Variants in HSD17B12 observed in about 807,000 individuals in gnomAD.
HSD17B12 encodes hydroxysteroid 17-beta dehydrogenase 12.
Under a neutral mutation model 39.3 loss-of-function variants are expected in HSD17B12, and 32 were observed. That is an observed-to-expected ratio of 0.81 (90% CI 0.61 to 1.09). The LOEUF (loss-of-function observed/expected upper bound fraction) is 1.09. HSD17B12 is among the 50% of genes least tolerant of loss of function. HSD17B12 has a pLI of 0.00. For missense variants in HSD17B12, 342 were observed against 382.9 expected (o/e 0.89, Z 0.89); for synonymous variants, 150 against 146.7 (o/e 1.02, Z -0.16).
chr11:43,669,433 G>A, the HSD17B12 span, among the ~76,000 whole-genome samples: 2 of 151,934 alleles, frequency 1.3e-5, no homozygotes, highest in African/African-American at 2.4e-5. Flanking sequence ...CCTGGGAGGC[G>A]GAGGTTGCAG....
chr11:43,629,529 T>G, the HSD17B12 span, among the ~76,000 whole-genome samples: 1 of 152,218 alleles, frequency 6.6e-6, no homozygotes, highest in African/African-American at 2.4e-5. Context: ...TCTGGAATTG[T>G]CCAATGGCAG....
At chr11:43,753,421 G>C (rs1018323378) in intron 2 of HSD17B12, among the ~76,000 whole-genome samples, 3 of 115,204 alleles carry the variant, frequency 2.6e-5, no homozygotes, top group African/African-American at 1.0e-4. Context: ...GTCTTGCTCT[G>C]TTGCCCAGGC....
At chr11:43,612,676 G>A in the HSD17B12 span, among the ~76,000 whole-genome samples, 6 of 152,214 alleles carry the variant, frequency 3.9e-5, no homozygotes, top group African/African-American at 1.4e-4. Context: ...AAAGTGCTGA[G>A]ATTACAGGCG....
At chr11:43,821,543 C>G (rs1444246686) in intron 6 of HSD17B12, among the ~76,000 whole-genome samples, 2 of 152,174 alleles carry the variant, frequency 1.3e-5, no homozygotes, top group Non-Finnish European at 2.9e-5. Context: ...AATTGAACCT[C>G]AAGACATTGA....
intron 1 of HSD17B12, among the ~76,000 whole-genome samples, chr11:43,696,740 T>C (rs1181350740): frequency 6.6e-6 from 1 of 152,104 alleles, no homozygotes; most frequent in African/African-American, 2.4e-5. Flanking sequence ...CTATTTACAA[T>C]AGCGAAGACA....
intron 1 of HSD17B12, among the ~76,000 whole-genome samples, chr11:43,742,139 ATT>A (rs34321708): frequency 1.6e-5 from 2 of 123,490 alleles, no homozygotes; most frequent in South Asian, 2.7e-4. Flanking sequence ...ATATATATAT[ATT>A]TTTTTTTTTA....
chr11:43,810,660 G>A (rs572350853), intron 4 of HSD17B12, among the ~76,000 whole-genome samples: 61 of 151,990 alleles, frequency 4.0e-4, no homozygotes, highest in African/African-American at 1.4e-3. Flanking sequence ...TTTATTGAGC[G>A]CTTCCCAGTC....
At chr11:43,817,348 T>C (rs1183258275) in intron 6 of HSD17B12, among the ~76,000 whole-genome samples, 1 of 152,202 alleles carries the variant, frequency 6.6e-6, no homozygotes, top group Non-Finnish European at 1.5e-5. Flanking sequence ...TTTAGTTTAA[T>C]GAATGAGTCC....
intron 6 of HSD17B12, among the ~76,000 whole-genome samples, chr11:43,824,769 G>A (rs1156977613): frequency 6.6e-6 from 1 of 152,200 alleles, no homozygotes; most frequent in Non-Finnish European, 1.5e-5. Context: ...GCTGAGATGG[G>A]TGGATCACTT....
At chr11:43,622,015 C>T in the HSD17B12 span, among the ~76,000 whole-genome samples, 1 of 152,208 alleles carries the variant, frequency 6.6e-6, no homozygotes, top group Non-Finnish European at 1.5e-5. Flanking sequence ...TGTTACTAAA[C>T]TGCCTCCTGT....
chr11:43,789,077 C>T (rs1386671048), intron 3 of HSD17B12, among the ~76,000 whole-genome samples: 1 of 152,190 alleles, frequency 6.6e-6, no homozygotes, highest in East Asian at 1.9e-4. Context: ...GTTTTCTGCA[C>T]TTTCTGGTTT....
chr11:43,622,324 T>C, the HSD17B12 span, among the ~76,000 whole-genome samples: 1 of 152,100 alleles, frequency 6.6e-6, no homozygotes, highest in Non-Finnish European at 1.5e-5. Flanking sequence ...AATAATAGGT[T>C]TTATTATTTA....
chr11:43,715,674 T>G (rs12284917), intron 1 of HSD17B12, among the ~76,000 whole-genome samples: 24,514 of 152,132 alleles, frequency 0.16, 2,131 homozygotes, highest in Non-Finnish European at 0.19. Context: ...CTTTTTCTAT[T>G]GATTGGAATA....
chr11:43,788,120 G>A (rs1159245045), intron 3 of HSD17B12, among the ~76,000 whole-genome samples: 1 of 151,728 alleles, frequency 6.6e-6, no homozygotes, highest in Admixed American at 6.6e-5. Context: ...TAGTATGGTG[G>A]GTTACAAGAA....
chr11:43,557,550 C>T, the HSD17B12 span, among the ~76,000 whole-genome samples: 1 of 152,148 alleles, frequency 6.6e-6, no homozygotes, highest in African/African-American at 2.4e-5. Context: ...TTGTTTAAAA[C>T]CTTATTCGTG....
At chr11:43,733,128 C>G (rs1950284701) in intron 1 of HSD17B12, among the ~76,000 whole-genome samples, 1 of 152,196 alleles carries the variant, frequency 6.6e-6, no homozygotes, top group African/African-American at 2.4e-5. Flanking sequence ...TCAGCATTAT[C>G]AGATTAATGA....
chr11:43,849,850 A>C (rs1689256788), intron 9 of HSD17B12, among the ~76,000 whole-genome samples: 1 of 152,240 alleles, frequency 6.6e-6, no homozygotes, highest in Non-Finnish European at 1.5e-5. Context: ...CCCATGCCTA[A>C]AACATTGTTC....
the HSD17B12 span, among the ~76,000 whole-genome samples, chr11:43,652,101 C>A: frequency 6.6e-6 from 1 of 152,144 alleles, no homozygotes; most frequent in East Asian, 1.9e-4. Flanking sequence ...AATCAAAATA[C>A]CAGGTAGCTT....
chr11:43,658,888 C>T, the HSD17B12 span, among the ~76,000 whole-genome samples: 2 of 152,314 alleles, frequency 1.3e-5, no homozygotes, highest in East Asian at 1.9e-4. Context: ...TCTCAAGCTG[C>T]GTGCTGGGAG....
Sources: gnomAD v4.1 joint callset for allele counts (sites outside exome capture counted in the v4.1 genomes callset) on GRCh38, gnomAD v4.1.1 for gene constraint, MANE v1.5 for transcripts, NCBI Gene and HGNC (gene_info 2026-07-23, HGNC 2026-07-21) for gene names.